Variants in SLC1A2 observed in about 807,000 individuals in gnomAD.
SLC1A2 encodes the protein solute carrier family 1 member 2.
SLC1A2 carries 15 observed loss-of-function variants against 48.8 expected under a neutral mutation model. The ratio of observed to expected loss-of-function variants is 0.31; its 90% CI spans 0.21 to 0.47. SLC1A2 has a LOEUF of 0.47. SLC1A2 is among the 20% of genes least tolerant of loss of function. The probability of loss-of-function intolerance (pLI) is 0.99; values close to 1 mark genes in which losing one functional copy is unlikely to be tolerated. For synonymous variants in SLC1A2, 279 were observed against 272.6 expected (o/e 1.02, Z -0.23); for missense variants, 502 against 730.5 (o/e 0.69, Z 3.61).
At chr11:35,397,359 C>T (rs1235470832) in intron 1 of SLC1A2, among the ~76,000 whole-genome samples, 3 of 141,826 alleles carry the variant, frequency 2.1e-5, no homozygotes, top group African/African-American at 7.6e-5. Context: ...GAACAGAGCC[C>T]TCAGAAATAA....
At chr11:35,357,256 CA>C (rs531883065) in intron 1 of SLC1A2, among the ~76,000 whole-genome samples, 1,351 of 98,154 alleles carry the variant, frequency 0.014, 4 homozygotes, top group Middle Eastern at 0.029. Context: ...GACTCTATAT[CA>C]AAAAAAAAAA....
intron 5 of SLC1A2, among the ~76,000 whole-genome samples, chr11:35,304,720 CT>C (rs1851452504): frequency 6.6e-6 from 1 of 152,090 alleles, no homozygotes; most frequent in East Asian, 1.9e-4. Flanking sequence ...CTCTACCATT[CT>C]AGATGGCTAA....
chr11:35,267,546 T>C lies in SLC1A2; in HGVS notation c.1422-1788A>G, dbSNP rs182137365. On this transcript the variant is annotated intron_variant, in intron 9 of 10. Coordinates refer to ENST00000278379, the MANE Select transcript of SLC1A2 (RefSeq NM_004171.4). ...TCTAGGTAGATCATCCAAATATGGCTAGTTAAGCTACTATCTCCCCCTGAA... is the reference window on the plus strand; with the variant it reads ...TCTAGGTAGATCATCCAAATATGGCCAGTTAAGCTACTATCTCCCCCTGAA... Among the ~76,000 whole-genome samples the C allele has an allele frequency of 3.2e-3, 494 of 152,282 alleles. 2 individuals are homozygous for C. The highest frequency in any genetic ancestry group is 4.1e-3 in the Non-Finnish European group (276 of 68,018).
chr11:35,374,703 T>C (rs184914390), intron 1 of SLC1A2, among the ~76,000 whole-genome samples: 151 of 152,368 alleles, frequency 9.9e-4, no homozygotes, highest in African/African-American at 3.5e-3. Flanking sequence ...CTTCTAGATT[T>C]TTTAAATGTC....
At chr11:35,346,998 G>T (rs1454155805) in intron 1 of SLC1A2, among the ~76,000 whole-genome samples, 2 of 152,218 alleles carry the variant, frequency 1.3e-5, no homozygotes, top group Non-Finnish European at 1.5e-5. Flanking sequence ...CAGTGCCAAA[G>T]GGAGGAGTTT....
chr11:35,401,014 G>C (rs1276770724), intron 1 of SLC1A2, among the ~76,000 whole-genome samples: 1 of 152,198 alleles, frequency 6.6e-6, no homozygotes, highest in Non-Finnish European at 1.5e-5. Context: ...GGTGGGCGGG[G>C]CTTCTATGTG....
chr11:35,304,811 A>T (rs1269132411), intron 5 of SLC1A2, among the ~76,000 whole-genome samples: 1 of 152,000 alleles, frequency 6.6e-6, no homozygotes, highest in Non-Finnish European at 1.5e-5. Flanking sequence ...AAAAATGAAT[A>T]CTTTTTTTTT....
At chr11:35,331,512 C>T (rs1852425047) in intron 1 of SLC1A2, among the ~76,000 whole-genome samples, 1 of 152,176 alleles carries the variant, frequency 6.6e-6, no homozygotes, top group Non-Finnish European at 1.5e-5. Flanking sequence ...ATCCAGTCAC[C>T]CCTGAAGGGT....
chr11:35,398,550 C>T (rs1052990774), intron 1 of SLC1A2, among the ~76,000 whole-genome samples: 6 of 152,152 alleles, frequency 3.9e-5, no homozygotes, highest in Admixed American at 6.5e-5. Context: ...CACAAAACTA[C>T]GTATCAGGTA....
At chr11:35,319,922 C>A (rs1439492260) in intron 1 of SLC1A2, among the ~76,000 whole-genome samples, 1 of 152,168 alleles carries the variant, frequency 6.6e-6, no homozygotes, top group Non-Finnish European at 1.5e-5. Context: ...GATGTTTGCA[C>A]ATAGAAAATA....
rs1431868939 is a variant in SLC1A2, at chr11:35,260,020, A to AAAT, written c.*871_*873dup. On this transcript the variant is annotated 3_prime_UTR_variant, in exon 11 of 11. Transcript: ENST00000278379. ...GGTTAAACAAAGCAAAACACATACC[A>AAAT]AATAATCTCATTTGATTTTACTACA... 5 of 152,362 alleles carry AAAT rather than the reference A, an allele frequency of 3.3e-5. No homozygotes were observed. The highest frequency in any genetic ancestry group is 1.2e-4 in the African/African-American group (5 of 41,594). The allele number at this position is 152,362 out of a possible 1,614,324, so 9.4% of individuals were successfully genotyped here.
At chr11:35,312,677 GTA>G (rs1312607205) in intron 3 of SLC1A2, among the ~76,000 whole-genome samples, 1 of 152,176 alleles carries the variant, frequency 6.6e-6, no homozygotes, top group Non-Finnish European at 1.5e-5. Context: ...TGTAGTATTT[GTA>G]TATAACCTAT....
At chr11:35,379,489 C>T (rs1049468692) in intron 1 of SLC1A2, among the ~76,000 whole-genome samples, 2 of 152,194 alleles carry the variant, frequency 1.3e-5, no homozygotes, top group African/African-American at 2.4e-5. Flanking sequence ...ACCTGTGCCT[C>T]GGACATATTC....
At chr11:35,355,043 A>G (rs1885343) in intron 1 of SLC1A2, among the ~76,000 whole-genome samples, 54,139 of 152,184 alleles carry the variant, frequency 0.36, 9,762 homozygotes, top group South Asian at 0.53. Context: ...AAATGATTAC[A>G]TTTATAATCA....
At chr11:35,387,864 A>G (rs1037597408) in intron 1 of SLC1A2, among the ~76,000 whole-genome samples, 54 of 152,242 alleles carry the variant, frequency 3.5e-4, no homozygotes, top group Non-Finnish European at 7.3e-4. Flanking sequence ...TCAATTAGCT[A>G]TGTGATGAAA....
intron 1 of SLC1A2, among the ~76,000 whole-genome samples, chr11:35,375,344 G>A (rs1854188737): frequency 6.6e-6 from 1 of 152,194 alleles, no homozygotes; most frequent in Admixed American, 6.5e-5. Flanking sequence ...TGTTATCATT[G>A]TGGTTCCCCG....
intron 1 of SLC1A2, among the ~76,000 whole-genome samples, chr11:35,333,824 C>G (rs1852514691): frequency 8.2e-6 from 1 of 121,406 alleles, no homozygotes; most frequent in Non-Finnish European, 1.7e-5. Flanking sequence ...ACCATGCCAG[C>G]TAATTTTTTT....
chr11:35,413,746 T>C (rs564184968), intron 1 of SLC1A2: 43 of 152,364 alleles, frequency 2.8e-4, no homozygotes, highest in African/African-American at 1.0e-3. Flanking sequence ...CAGATTCACT[T>C]CCAACTTCGT....
intron 5 of SLC1A2, among the ~76,000 whole-genome samples, chr11:35,303,134 CA>C (rs1380015947): frequency 6.6e-6 from 1 of 152,010 alleles, no homozygotes; most frequent in African/African-American, 2.4e-5. Context: ...AACCCATACT[CA>C]GTAAATTTTA....
Sources: allele counts gnomAD v4.1 joint callset (sites outside exome capture counted in the v4.1 genomes callset), GRCh38; gene constraint gnomAD v4.1.1; transcripts MANE v1.5; gene names NCBI Gene and HGNC (gene_info 2026-07-23, HGNC 2026-07-21).